ART3: variants seen among roughly 807,000 people sequenced by gnomAD.
ART3 encodes the protein ADP-ribosyltransferase 3 (inactive).
Under a neutral mutation model 48.5 loss-of-function variants are expected in ART3, and 49 were observed. The ratio of observed to expected loss-of-function variants is 1.01; its 90% CI spans 0.80 to 1.28. ART3 has a LOEUF of 1.28. Ranked by LOEUF, ART3 falls within the 50% of genes most tolerant of loss-of-function variation. ART3 has a pLI of 0.00. For missense variants in ART3, 438 were observed against 454.3 expected, an observed-to-expected ratio of 0.96 and a Z score of 0.33; for synonymous variants, 145 against 157.2, an observed-to-expected ratio of 0.92 and a Z score of 0.58.
chr4:76,015,422 CAGAAA>C (rs914380851), intron 1 of ART3, among the ~76,000 whole-genome samples: 1 of 151,778 alleles, frequency 6.6e-6, no homozygotes, highest in Non-Finnish European at 1.5e-5. Context: ...TAAAAATATA[CAGAAA>C]AGAAAAGAGG....
At chr4:76,020,093 A>G (rs1008080456) in intron 1 of ART3, among the ~76,000 whole-genome samples, 8 of 150,030 alleles carry the variant, frequency 5.3e-5, no homozygotes, top group African/African-American at 2.0e-4. Context: ...CTTCTGTGAA[A>G]TTCTTACTCA....
intron 1 of ART3, among the ~76,000 whole-genome samples, chr4:76,054,840 A>G (rs1040452898): frequency 3.3e-5 from 5 of 152,230 alleles, no homozygotes; most frequent in Admixed American, 3.3e-4. Flanking sequence ...CTCAAAATAA[A>G]TAAATAAATA....
chr4:76,025,939 T>A (rs562141063), intron 1 of ART3, among the ~76,000 whole-genome samples: 297 of 152,274 alleles, frequency 2.0e-3, no homozygotes, highest in Non-Finnish European at 2.8e-3. Flanking sequence ...TTACTTTTTT[T>A]ATTTAAAAAA....
chr4:76,052,895 A>AT (rs1460446562), intron 1 of ART3, among the ~76,000 whole-genome samples: 10 of 151,746 alleles, frequency 6.6e-5, no homozygotes, highest in Admixed American at 4.6e-4. Flanking sequence ...CACCAGGCTA[A>AT]TTTTTGTATT....
rs767578334 is a variant in ART3 at position 76,112,438 on chromosome 4, G to A, written c.1089G>A (p.Ser363=). Residue 363 remains serine, a synonymous_variant, in exon 12 of 12, where the codon TCG becomes TCA. Transcript: ENST00000355810. ...PGPKSHPSAS[S]GKLLLPQFGM... Reference sequence around the variant, plus strand: ...CCAAAAGCCATCCTTCTGCATCCTCGGGCAAACTGCTGCTTCCACAGTTTG... The same window carrying A: ...CCAAAAGCCATCCTTCTGCATCCTCAGGCAAACTGCTGCTTCCACAGTTTG... 3.0e-5 allele frequency: 48 copies of A among 1,613,934 alleles called. No homozygotes were observed. In the Middle Eastern group the frequency reaches 6.6e-4, roughly 22 times the overall value.
intron 1 of ART3, among the ~76,000 whole-genome samples, chr4:76,028,506 C>T (rs1733610596): frequency 6.6e-6 from 1 of 152,208 alleles, no homozygotes; most frequent in Admixed American, 6.5e-5. Context: ...CTAATGAGCA[C>T]AGACGAAGGC....
chr4:76,060,391 T>A (rs13121161), intron 1 of ART3, among the ~76,000 whole-genome samples: 1 of 152,052 alleles, frequency 6.6e-6, no homozygotes, highest in Non-Finnish European at 1.5e-5. Flanking sequence ...AAAATCTCTT[T>A]TCTTGAGGCT....
chr4:76,112,395 C>T lies in ART3; in HGVS notation c.1046C>T (p.Pro349Leu). The T allele has an allele frequency of 6.2e-7, 1 of 1,613,628 alleles. No individual in the cohort carries two copies. Among genetic ancestry groups the T allele is most frequent in the Middle Eastern group, 1.7e-4 (1 of 6,058 alleles). Residue 349 changes from proline (P) to leucine (L), a missense_variant, in exon 12 of 12, where the codon CCA becomes CTA. This residue lies in a region of ART3 where 227 missense variants were observed against 229.6 expected (regional missense o/e 0.99). Transcript: ENST00000355810. ...QGNINNPTPG[P>L]VPVPGPKSHP... The stretch of plus-strand genomic sequence containing the variant: ...GTATTCTTGTTAACAGCTCCAGGTC[C>T]AGTTCCTGTTCCAGGTCCCAAAAGC...
chr4:76,085,436 G>A (rs1723342948), intron 3 of ART3, among the ~76,000 whole-genome samples: 1 of 152,150 alleles, frequency 6.6e-6, no homozygotes, highest in African/African-American at 2.4e-5. Flanking sequence ...AAAATTTTAA[G>A]GAAGTCCTCA....
intron 1 of ART3, among the ~76,000 whole-genome samples, chr4:76,059,359 C>A: frequency 1.1e-5 from 1 of 92,124 alleles, no homozygotes; most frequent in East Asian, 8.5e-4. Context: ...GTTATTTTCT[C>A]TTGTTTTTTT....
At position 76,112,492 on chromosome 4, in the gene ART3, T is replaced by C. The variant is rs1162537362; in HGVS notation, c.1143T>C (p.Ser381=). Residue 381 remains serine (S), a synonymous_variant, in exon 12 of 12, where the codon TCT becomes TCC. Coordinates refer to ENST00000355810, the MANE Select transcript of ART3 (RefSeq NM_001130016.3). ...FGMVIILISV[S]AINLFVAL is the part of the protein sequence containing the mutation. ...TGGTCATCATTTTAATCAGTGTTTC[T>C]GCTATAAATCTCTTTGTTGCTCTGT... 2 of 1,614,086 alleles carry C rather than the reference T, an allele frequency of 1.2e-6. No homozygotes were observed. Among genetic ancestry groups the C allele is most frequent in the African/African-American group, 1.3e-5 (1 of 75,062 alleles).
intron 1 of ART3, among the ~76,000 whole-genome samples, chr4:76,015,865 G>A (rs1732205585): frequency 2.6e-5 from 4 of 152,242 alleles, no homozygotes; most frequent in African/African-American, 9.6e-5. Context: ...CTGGGCTCAA[G>A]CGATCCTCTG....
At chr4:76,051,437 T>G (rs1736076258) in intron 1 of ART3, among the ~76,000 whole-genome samples, 1 of 152,228 alleles carries the variant, frequency 6.6e-6, no homozygotes, top group African/African-American at 2.4e-5. Context: ...GCTCTATTTT[T>G]TTCATCAAAA....
intron 2 of ART3, among the ~76,000 whole-genome samples, chr4:76,078,241 A>G (rs1483219324): frequency 6.6e-6 from 1 of 152,080 alleles, no homozygotes. Context: ...ACAATCAGCT[A>G]TGGTGTCTGG....
At chr4:76,095,882 C>G (rs1429238826) in intron 3 of ART3, among the ~76,000 whole-genome samples, 3 of 152,142 alleles carry the variant, frequency 2.0e-5, no homozygotes, top group Non-Finnish European at 4.4e-5. Context: ...AATAAGCCCT[C>G]TGGATGAGGC....
At chr4:76,106,029 A>G (rs1728394051) in intron 10 of ART3, 23 of 985,322 alleles carry the variant, frequency 2.3e-5, no homozygotes, top group Non-Finnish European at 2.7e-5. Context: ...AGCTATGTGT[A>G]GCTTTTTAAA....
intron 3 of ART3, among the ~76,000 whole-genome samples, chr4:76,089,146 T>G (rs946939346): frequency 2.6e-5 from 4 of 152,270 alleles, no homozygotes; most frequent in Non-Finnish European, 4.4e-5. Flanking sequence ...GTTTGCTTTT[T>G]GGACATTCAC....
chr4:76,054,556 GCTTA>G, intron 1 of ART3, among the ~76,000 whole-genome samples: 1 of 152,268 alleles, frequency 6.6e-6, no homozygotes, highest in East Asian at 1.9e-4. Flanking sequence ...TTTAGGCTGG[GCTTA>G]GTTGCTCATG....
intron 11 of ART3, among the ~76,000 whole-genome samples, chr4:76,110,909 T>C (rs1659120124): frequency 6.6e-6 from 1 of 152,062 alleles, no homozygotes; most frequent in African/African-American, 2.4e-5. Flanking sequence ...TTTTTATCAT[T>C]TACTACCATA....
Sources: gnomAD v4.1 joint callset for allele counts (sites outside exome capture counted in the v4.1 genomes callset) on GRCh38, gnomAD v4.1.1 for gene constraint, gnomAD v4.1.1 regional missense constraint, MANE v1.5 for transcripts, NCBI Gene and HGNC (gene_info 2026-07-23, HGNC 2026-07-21) for gene names.